EPHB1: variants seen among roughly 807,000 people sequenced by gnomAD.
EPHB1 encodes the protein EPH receptor B1.
Under a neutral mutation model 94.4 loss-of-function variants are expected in EPHB1, and 30 were observed. The observed-to-expected ratio is 0.32, with a 90% confidence interval of 0.24 to 0.43. The LOEUF (loss-of-function observed/expected upper bound fraction) is 0.43, where lower values mean the gene tolerates loss of function less well. Ranked by LOEUF, EPHB1 falls within the 20% of genes least tolerant of loss-of-function variation. EPHB1 has a pLI of 1.00. For synonymous variants in EPHB1, 522 were observed against 489.1 expected (o/e 1.07, Z -0.89); for missense variants, 1,055 against 1,308.3 (o/e 0.81, Z 2.99).
chr3:135,253,689 G>T (rs375609400), intron 15 of EPHB1, among the ~76,000 whole-genome samples: 1 of 142,578 alleles, frequency 7.0e-6, no homozygotes, highest in Non-Finnish European at 1.5e-5. Flanking sequence ...TTGACTTGGC[G>T]ATGCGGGCTC....
intron 1 of EPHB1, 89 bp from the exon 2 acceptor site, chr3:134,925,727 C>A: frequency 1.8e-6 from 2 of 1,131,226 alleles, no homozygotes; most frequent in Non-Finnish European, 2.5e-6. Flanking sequence ...TTTACTATCA[C>A]AAACAACTTC....
At chr3:134,860,630 C>T (rs149665151) in intron 1 of EPHB1, among the ~76,000 whole-genome samples, 6 of 152,118 alleles carry the variant, frequency 3.9e-5, no homozygotes, top group East Asian at 3.9e-4. Context: ...CTGGCTAACA[C>T]GGTGAAACCC....
chr3:135,228,043 T>C (rs1462560430), intron 12 of EPHB1, among the ~76,000 whole-genome samples: 1 of 152,192 alleles, frequency 6.6e-6, no homozygotes, highest in Non-Finnish European at 1.5e-5. Context: ...ACTTTAGTAA[T>C]TTAACATGGA....
At chr3:135,122,948 C>A (rs900914939) in intron 4 of EPHB1, among the ~76,000 whole-genome samples, 1 of 152,158 alleles carries the variant, frequency 6.6e-6, no homozygotes, top group African/African-American at 2.4e-5. Flanking sequence ...CACGTGCAGA[C>A]TCGCTTAGCA....
At chr3:134,876,208 T>C (rs542420936) in intron 1 of EPHB1, among the ~76,000 whole-genome samples, 28 of 152,310 alleles carry the variant, frequency 1.8e-4, no homozygotes, top group African/African-American at 6.5e-4. Flanking sequence ...TCACCAGTGA[T>C]GATTGGATAG....
At chr3:134,832,664 A>G (rs544811591) in intron 1 of EPHB1, among the ~76,000 whole-genome samples, 2 of 152,320 alleles carry the variant, frequency 1.3e-5, no homozygotes, top group African/African-American at 2.4e-5. Flanking sequence ...ACTTATCACA[A>G]ATTGAAAGTG....
chr3:135,145,815 C>T (rs1218873979), intron 5 of EPHB1, among the ~76,000 whole-genome samples: 2 of 152,222 alleles, frequency 1.3e-5, no homozygotes, highest in East Asian at 1.9e-4. Context: ...TCAACCCTGC[C>T]GAGTCACAAC....
At chr3:134,828,395 G>A (rs572065784) in intron 1 of EPHB1, among the ~76,000 whole-genome samples, 2 of 152,346 alleles carry the variant, frequency 1.3e-5, no homozygotes, top group East Asian at 3.9e-4. Flanking sequence ...ATTTTAGGCT[G>A]AGAGACTGTC....
Position 135,248,402 on chromosome 3 carries a change from G to A in EPHB1, c.2583G>A (p.Trp861Ter), listed in dbSNP as rs151302345. The change falls in exon 14 of 16, where the codon TGG (tryptophan) becomes TGA (stop). Residue 861 changes from tryptophan (W) to a stop codon, truncating the protein, a stop_gained. Coordinates refer to ENST00000398015, the MANE Select transcript of EPHB1 (RefSeq NM_004441.5). LOFTEE classifies it high-confidence loss of function. ...TACACCAGCTCATGCTGGACTGTTG[G>A]CAGAAGGACCGGAACAGCCGGCCCC... ...AALHQLMLDC[W>*]QKDRNSRPRF... is the part of the protein sequence containing the mutation. The A allele has an allele frequency of 6.2e-7, 1 of 1,613,986 alleles. No homozygotes were observed. Among genetic ancestry groups the A allele is most frequent in the Non-Finnish European group, 8.5e-7 (1 of 1,179,918 alleles).
chr3:134,956,245 C>A (rs1431120160), intron 3 of EPHB1, among the ~76,000 whole-genome samples: 1 of 152,002 alleles, frequency 6.6e-6, no homozygotes, highest in Admixed American at 6.6e-5. Flanking sequence ...TCTGTGACAA[C>A]CCCTGAGTGG....
At chr3:135,227,091 T>C (rs1224469791) in intron 12 of EPHB1, among the ~76,000 whole-genome samples, 1 of 152,170 alleles carries the variant, frequency 6.6e-6, no homozygotes, top group East Asian at 1.9e-4. Context: ...GGGTCCAATA[T>C]ACCCATGTAA....
intron 1 of EPHB1, among the ~76,000 whole-genome samples, chr3:134,838,197 C>G (rs999187752): frequency 3.3e-5 from 5 of 152,150 alleles, no homozygotes; most frequent in Non-Finnish European, 7.3e-5. Flanking sequence ...GTTGTCATCA[C>G]CCAGAGGATC....
intron 9 of EPHB1, among the ~76,000 whole-genome samples, chr3:135,172,979 C>A (rs1941848139): frequency 6.6e-6 from 1 of 152,180 alleles, no homozygotes; most frequent in South Asian, 2.1e-4. Context: ...CAGCCTGTCC[C>A]CGTCATTGAT....
intron 9 of EPHB1, among the ~76,000 whole-genome samples, chr3:135,174,473 A>ATAGCCTCTGCCTTTTC (rs1001078948): frequency 1.3e-5 from 2 of 152,198 alleles, no homozygotes; most frequent in African/African-American, 4.8e-5. Flanking sequence ...ACTGGCACCC[A>ATAGCCTCTGCCTTTTC]TAGCCTCTGC....
At chr3:134,925,046 A>G (rs932276650) in intron 1 of EPHB1, among the ~76,000 whole-genome samples, 2 of 152,242 alleles carry the variant, frequency 1.3e-5, no homozygotes, top group Non-Finnish European at 2.9e-5. Context: ...CAAATCATAC[A>G]TTTTAAATAT....
At chr3:135,247,475 C>CAATT (rs566083688) in intron 13 of EPHB1, among the ~76,000 whole-genome samples, 49 of 152,170 alleles carry the variant, frequency 3.2e-4, no homozygotes, top group African/African-American at 1.1e-3. Flanking sequence ...GCGTCACTTA[C>CAATT]AATTATTTTT....
intron 3 of EPHB1, among the ~76,000 whole-genome samples, chr3:135,015,799 G>T (rs1935778599): frequency 6.6e-6 from 1 of 152,166 alleles, no homozygotes; most frequent in African/African-American, 2.4e-5. Flanking sequence ...GTCTGGGAAG[G>T]CCTCTTTGAA....
At chr3:135,017,829 T>G (rs36057) in intron 3 of EPHB1, among the ~76,000 whole-genome samples, 58,015 of 152,038 alleles carry the variant, frequency 0.38, 11,662 homozygotes, top group Middle Eastern at 0.47. Context: ...CACTGGGGCA[T>G]GCCCAAGTGT....
At chr3:134,811,248 T>TTG (rs1560243592) in intron 1 of EPHB1, among the ~76,000 whole-genome samples, 2 of 108,096 alleles carry the variant, frequency 1.9e-5, no homozygotes, top group African/African-American at 8.0e-5. Context: ...GAAGGTTTTT[T>TTG]TTTTTTTTTT....
Sources: gnomAD v4.1 joint callset for allele counts (sites outside exome capture counted in the v4.1 genomes callset) on GRCh38, gnomAD v4.1.1 for gene constraint, MANE v1.5 for transcripts, NCBI Gene and HGNC (gene_info 2026-07-23, HGNC 2026-07-21) for gene names.